Variants in TMPRSS6 observed in about 807,000 individuals in gnomAD.
The protein encoded by TMPRSS6 is transmembrane serine protease 6, also known as transmembrane protease serine 6.
In TMPRSS6, 67 loss-of-function variants were observed where a neutral mutation model predicts 101.5. The observed-to-expected ratio is 0.66, with a 90% CI of 0.54 to 0.81. The LOEUF is 0.81. Ranked by LOEUF, TMPRSS6 falls within the 30% of genes least tolerant of loss-of-function variation. The pLI, the probability that TMPRSS6 is intolerant of heterozygous loss-of-function variation, is 0.00. For missense variants in TMPRSS6, 1,034 were observed against 1,088.7 expected (o/e 0.95, Z 0.71); for synonymous variants, 453 against 464.9 (o/e 0.97, Z 0.33).
intron 13 of TMPRSS6, among the ~76,000 whole-genome samples, chr22:37,071,957 TGATGGATGGATGATGGATG>T (rs1926961642): frequency 6.8e-6 from 1 of 147,642 alleles, no homozygotes; most frequent in African/African-American, 2.5e-5. Context: ...GATGGATGGA[TGATGGATGGATGATGGATG>T]GATGGATGGA....
chr22:37,079,849 C>A (rs939088376), intron 10 of TMPRSS6, among the ~76,000 whole-genome samples: 1 of 152,256 alleles, frequency 6.6e-6, no homozygotes, highest in Non-Finnish European at 1.5e-5. Flanking sequence ...CAGCTCAGGT[C>A]AGCCACACTG....
At chr22:37,078,945 G>GAAA (rs1346764488) in intron 10 of TMPRSS6, among the ~76,000 whole-genome samples, 2,619 of 132,556 alleles carry the variant, frequency 0.02, 107 homozygotes, top group African/African-American at 0.069. Context: ...AGGAGAAGGA[G>GAAA]AAGGAGAAAA....
chr22:37,090,826 A>G (rs738295), intron 6 of TMPRSS6, among the ~76,000 whole-genome samples: 58,161 of 152,022 alleles, frequency 0.38, 11,276 homozygotes, highest in East Asian at 0.41. Context: ...TAGGGGCTCA[A>G]TAAAGGCAGT....
chr22:37,092,033 G>C (rs1302004900), intron 6 of TMPRSS6, among the ~76,000 whole-genome samples: 1 of 151,958 alleles, frequency 6.6e-6, no homozygotes, highest in African/African-American at 2.4e-5. Context: ...CTAGGGTTTT[G>C]TGTTCTTTAA....
chr22:37,103,177 C>T lies in TMPRSS6; in HGVS notation c.202+39G>A, dbSNP rs754726861. On this transcript the variant is annotated intron_variant, in intron 2 of 17. Coordinates refer to ENST00000676104, the MANE Select transcript of TMPRSS6 (RefSeq NM_001374504.1). This position sits in a 1 kb window ranked among gnomAD's most constrained non-coding sequence, Gnocchi z 4.4. The stretch of plus-strand genomic sequence containing the variant: ...GTGCCTGCTACAGTCACCCCAAGTC[C>T]TCCCCAGGTGCCTCTCCCAGGCGGT... 1.2e-6 allele frequency: 2 copies of T among 1,608,034 alleles called. No homozygotes were observed. Among genetic ancestry groups the T allele is most frequent in the Non-Finnish European group, 1.7e-6 (2 of 1,175,736 alleles).
chr22:37,083,947 G>C lies in TMPRSS6; in HGVS notation c.1196+348C>G. ...CACCAAAGTGCCCATGAGTCCTTTG[G>C]CTCTGGAAACATTTTATTGAAGGAT... On this transcript the variant is annotated intron_variant, in intron 10 of 17. Coordinates refer to ENST00000676104, the MANE Select transcript of TMPRSS6 (RefSeq NM_001374504.1). The C allele has an allele frequency of 5.6e-6, 3 of 534,682 alleles. No individual in the cohort carries two copies. The South Asian group carries it at 9.5e-5, about 17-fold the overall frequency. 33.1% of individuals were successfully genotyped at this position (534,682 alleles called of 1,614,324 possible).
rs370976150 is a variant in TMPRSS6 at position 37,066,254 on chromosome 22, G to A, written c.2251-16C>T. 13 of 1,603,472 alleles carry A rather than the reference G, an allele frequency of 8.1e-6. No individual in the cohort carries two copies. The highest frequency in any genetic ancestry group is 1.1e-5 in the South Asian group (1 of 90,258). ...CTGAGTCACCCTGAAAGGGGGAAAGGAGAAAGGACTGAAGCAGGGTAAGGG... is the reference window on the plus strand; with the variant it reads ...CTGAGTCACCCTGAAAGGGGGAAAGAAGAAAGGACTGAAGCAGGGTAAGGG... On this transcript the variant is annotated splice_polypyrimidine_tract_variant and intron_variant, in intron 17 of 17. Coordinates refer to ENST00000676104, the MANE Select transcript of TMPRSS6 (RefSeq NM_001374504.1).
intron 10 of TMPRSS6, among the ~76,000 whole-genome samples, chr22:37,077,465 C>T (rs1927771996): frequency 6.6e-6 from 1 of 152,186 alleles, no homozygotes; most frequent in South Asian, 2.1e-4. Flanking sequence ...GTCAGGGGAC[C>T]CCTGGGGGTC....
At chr22:37,102,556 G>A (rs538182225) in intron 2 of TMPRSS6, among the ~76,000 whole-genome samples, 2 of 152,302 alleles carry the variant, frequency 1.3e-5, no homozygotes, top group South Asian at 2.1e-4. Context: ...CTGGATGAAT[G>A]GGCCCAGAGC....
chr22:37,100,349 G>A (rs758547748), intron 2 of TMPRSS6, among the ~76,000 whole-genome samples: 25 of 152,360 alleles, frequency 1.6e-4, no homozygotes, highest in Non-Finnish European at 2.5e-4. Context: ...AGGCTCTAAG[G>A]AGGCAGGGCA....
chr22:37,081,898 T>C (rs1928303519), intron 10 of TMPRSS6, among the ~76,000 whole-genome samples: 1 of 152,238 alleles, frequency 6.6e-6, no homozygotes, highest in Non-Finnish European at 1.5e-5. Context: ...CTCCACCCTG[T>C]TGGAAGCTGT....
chr22:37,080,546 T>C (rs2146090617), intron 10 of TMPRSS6, among the ~76,000 whole-genome samples: 1 of 152,352 alleles, frequency 6.6e-6, no homozygotes. Context: ...AAATGCTCAT[T>C]CTAAGAATTT....
intron 3 of TMPRSS6, among the ~76,000 whole-genome samples, chr22:37,097,591 T>A (rs1929873463): frequency 6.6e-6 from 1 of 152,232 alleles, no homozygotes; most frequent in Non-Finnish European, 1.5e-5. Flanking sequence ...TCCTGCAGCC[T>A]GAGAGTGGCA....
chr22:37,068,800 G>C (rs1460222636), intron 16 of TMPRSS6: 2 of 707,264 alleles, frequency 2.8e-6, no homozygotes, highest in Non-Finnish European at 5.1e-6. Flanking sequence ...GAGCTTGCAC[G>C]TGGGCAGTGG....
intron 12 of TMPRSS6, 81 bp downstream of exon 12, chr22:37,074,529 T>TC: frequency 2.3e-6 from 3 of 1,317,390 alleles, no homozygotes; most frequent in South Asian, 2.5e-5. Context: ...AAGTGGGGTC[T>TC]CCACTCAGCT....
chr22:37,104,487 A>T (rs966380465), intron 1 of TMPRSS6, among the ~76,000 whole-genome samples: 1 of 152,194 alleles, frequency 6.6e-6, no homozygotes, highest in Non-Finnish European at 1.5e-5. Context: ...TCCACGCTCC[A>T]GGGTTCCAAC....
intron 2 of TMPRSS6, among the ~76,000 whole-genome samples, chr22:37,099,406 GAA>G (rs761190080): frequency 3.2e-4 from 48 of 152,332 alleles, no homozygotes; most frequent in Middle Eastern, 3.4e-3. Flanking sequence ...GGGTAACCAT[GAA>G]AAGTTTAAAA....
In TMPRSS6 at chr22:37,096,002, G is replaced by A. The variant is rs972391744; in HGVS notation, c.493C>T (p.Leu165=). 6.2e-7 allele frequency: 1 copy of A among 1,614,114 alleles called. No homozygotes were observed. The highest frequency in any genetic ancestry group is 1.3e-5 in the African/African-American group (1 of 74,946). The stretch of plus-strand genomic sequence containing the variant: ...GTGGACAGCAGCTCCTCCACCAGCA[G>A]TGCCTGCACCACCTCGGGGCTCAGC... ...LMLSPEVVQA[L]LVEELLSTVN... The change falls in exon 5 of 18, where the codon CTG becomes TTG. Residue 165 remains leucine, a synonymous_variant. Coordinates refer to ENST00000676104, the MANE Select transcript of TMPRSS6 (RefSeq NM_001374504.1).
In TMPRSS6 at chr22:37,089,649, C is replaced by T. The variant is rs368878497; in HGVS notation, c.765G>A (p.Thr255=). The change falls in exon 7 of 18, where the codon ACG becomes ACA. Residue 255 remains threonine, a synonymous_variant. Transcript: ENST00000676104. ...DLMLKLRLEW[T]LAECRDRLAM... ...CCAGTCGGTCCCGGCACTCTGCCAG[C>T]GTCCACTCCAGCCGGAGTTTGAGCA... 1.2e-5 allele frequency: 20 copies of T among 1,612,880 alleles called. No homozygotes were observed. Among genetic ancestry groups the T allele is most frequent in the South Asian group, 3.3e-5 (3 of 90,768 alleles).
Sources: gnomAD v4.1 joint callset for allele counts (sites outside exome capture counted in the v4.1 genomes callset) on GRCh38, gnomAD v4.1.1 for gene constraint, Gnocchi (gnomAD v3.1) non-coding constraint, MANE v1.5 for transcripts, NCBI Gene and HGNC (gene_info 2026-07-23, HGNC 2026-07-21) for gene names.